CHD9: variants seen among roughly 807,000 people sequenced by gnomAD.
CHD9 encodes chromodomain helicase DNA binding protein 9, also known as ATP-dependent chromatin remodeler CHD9.
CHD9 carries 77 observed loss-of-function variants against 316.1 expected under a neutral mutation model. That is an observed-to-expected ratio of 0.24 (90% CI 0.20 to 0.29). The LOEUF (loss-of-function observed/expected upper bound fraction) is 0.29, where lower values mean the gene tolerates loss of function less well. CHD9 is among the 10% of genes least tolerant of loss of function. The pLI, the probability that CHD9 is intolerant of heterozygous loss-of-function variation, is 1.00. For synonymous variants in CHD9, 1,129 were observed against 1,158.3 expected (o/e 0.97, Z 0.51); for missense variants, 2,763 against 3,438.1 (o/e 0.80, Z 4.91).
At chr16:53,293,202 C>T in intron 29 of CHD9, 150 bp downstream of exon 29, 2 of 641,766 alleles carry the variant, frequency 3.1e-6, no homozygotes, top group Non-Finnish European at 5.4e-6. Context: ...CACATATACT[C>T]ACACATTTAT....
chr16:53,181,082 C>T (rs1283724778), intron 2 of CHD9, among the ~76,000 whole-genome samples: 1 of 151,182 alleles, frequency 6.6e-6, no homozygotes, highest in Non-Finnish European at 1.5e-5. Context: ...CCGATCTCAG[C>T]TTACCACAAC....
chr16:53,231,709 A>G lies in CHD9; in HGVS notation c.2436A>G (p.Leu812=), dbSNP rs761225280. 2 of 1,611,074 alleles carry G rather than the reference A, an allele frequency of 1.2e-6. No homozygotes were observed. Among genetic ancestry groups the G allele is most frequent in the Admixed American group, 1.7e-5 (1 of 59,824 alleles). The change falls in exon 10 of 39, where the codon CTA becomes CTG. Residue 812 remains leucine, a synonymous_variant. Transcript: ENST00000447540. ...SLPYEDSTWE[L]KEDVDLAKIE... ...CATATGAAGATAGTACTTGGGAACT[A>G]AAAGAAGATGTAGATCTTGCAAAAA...
intron 30 of CHD9, among the ~76,000 whole-genome samples, chr16:53,300,224 G>A (rs972045413): frequency 1.7e-4 from 26 of 152,136 alleles, no homozygotes; most frequent in Middle Eastern, 3.4e-3. Flanking sequence ...GTAGTGGCAC[G>A]CACCTGTAAT....
chr16:53,315,203 C>T lies in CHD9; in HGVS notation c.7584+159C>T, dbSNP rs1450546009. On this transcript the variant is annotated intron_variant, in intron 36 of 38. Transcript: ENST00000447540. ...AATAATTACCATCCTTCCCATGATA[C>T]AATACAATGTTATTTTCCATTTTTC... Among the ~76,000 whole-genome samples the T allele has an allele frequency of 3.3e-5, 5 of 152,154 alleles. No homozygotes were observed. The East Asian group carries it at 9.6e-4, about 29-fold the overall frequency.
intron 1 of CHD9, among the ~76,000 whole-genome samples, chr16:53,100,824 AG>A (rs1438154165): frequency 1.3e-5 from 2 of 152,204 alleles, no homozygotes; most frequent in Non-Finnish European, 2.9e-5. Context: ...AAGTCACTAT[AG>A]GCCTCTGTCT....
intron 1 of CHD9, among the ~76,000 whole-genome samples, chr16:53,085,427 A>G (rs1251436613): frequency 6.6e-6 from 1 of 152,114 alleles, no homozygotes; most frequent in Non-Finnish European, 1.5e-5. Flanking sequence ...GTTTCCTGAC[A>G]TCTGCCTTGG....
intron 1 of CHD9, among the ~76,000 whole-genome samples, chr16:53,100,972 G>A (rs2036824068): frequency 6.6e-6 from 1 of 152,092 alleles, no homozygotes; most frequent in African/African-American, 2.4e-5. Flanking sequence ...TTCTCTAGAT[G>A]GCTATGTCAC....
intron 1 of CHD9, among the ~76,000 whole-genome samples, chr16:53,105,315 C>CAT (rs1481170078): frequency 4.6e-5 from 7 of 151,838 alleles, no homozygotes; most frequent in Non-Finnish European, 1.0e-4. Context: ...AGAGATATTT[C>CAT]ATATATATGT....
intron 3 of CHD9, among the ~76,000 whole-genome samples, chr16:53,213,462 G>A (rs2046490049): frequency 6.6e-6 from 1 of 152,186 alleles, no homozygotes; most frequent in African/African-American, 2.4e-5. Flanking sequence ...AATTTTATGG[G>A]ATGGATGGAT....
chr16:53,241,203 C>G (rs2049053212), intron 12 of CHD9, among the ~76,000 whole-genome samples: 1 of 152,146 alleles, frequency 6.6e-6, no homozygotes, highest in South Asian at 2.1e-4. Context: ...ACTTAATACC[C>G]AATAGCTTAT....
At chr16:53,313,071 A>T (rs1464179284) in intron 34 of CHD9, among the ~76,000 whole-genome samples, 7 of 152,194 alleles carry the variant, frequency 4.6e-5, no homozygotes, top group African/African-American at 1.7e-4. Context: ...TATTAGAAAA[A>T]TTGATGAATG....
rs1191510203 is a variant in CHD9 at position 53,307,958 on chromosome 16, G to A, written c.7053+5G>A. 1 of 1,588,520 alleles carries A rather than the reference G, an allele frequency of 6.3e-7. No individual in the cohort carries two copies. The highest frequency in any genetic ancestry group is 8.6e-7 in the Non-Finnish European group (1 of 1,167,504). ...TTTACAGTGAAAATCAAAGACGTAT[G>A]TGTATTTTTATTGCCCTAGGGCCTG... On this transcript the variant is annotated splice_donor_5th_base_variant and intron_variant, in intron 33 of 38. Coordinates refer to ENST00000447540, the MANE Select transcript of CHD9 (RefSeq NM_001308319.2).
At chr16:53,272,080 GA>G (rs913527514) in intron 22 of CHD9, among the ~76,000 whole-genome samples, 3 of 152,010 alleles carry the variant, frequency 2.0e-5, no homozygotes, top group African/African-American at 7.2e-5. Context: ...TAGATGGGGG[GA>G]AAAATAAACA....
Position 53,297,034 on chromosome 16 carries a change from A to G in CHD9, c.5589A>G (p.Gln1863=). 1 of 1,613,894 alleles carries G rather than the reference A, an allele frequency of 6.2e-7. No homozygotes were observed. The highest frequency in any genetic ancestry group is 1.1e-5 in the South Asian group (1 of 91,086). Residue 1863 remains glutamine, a synonymous_variant, in exon 30 of 39, where the codon CAA becomes CAG. Coordinates refer to ENST00000447540, the MANE Select transcript of CHD9 (RefSeq NM_001308319.2). ...TGGTTTTTGACCCTGACAGAGGCCA[A>G]TTTGATTGGACAAAATTTAGAGCTA... ...FGVVFDPDRG[Q]FDWTKFRAMA...
chr16:53,233,723 C>T (rs2048379213), intron 10 of CHD9, among the ~76,000 whole-genome samples: 1 of 152,124 alleles, frequency 6.6e-6, no homozygotes, highest in South Asian at 2.1e-4. Flanking sequence ...TATTGGCACA[C>T]AAACAAGCAG....
chr16:53,134,968 C>A (rs2039608952), intron 1 of CHD9, among the ~76,000 whole-genome samples: 1 of 152,084 alleles, frequency 6.6e-6, no homozygotes, highest in South Asian at 2.1e-4. Flanking sequence ...ATGATCAGTT[C>A]AGTGAAATAA....
At chr16:53,196,969 G>A (rs370021686) in intron 2 of CHD9, among the ~76,000 whole-genome samples, 5 of 152,264 alleles carry the variant, frequency 3.3e-5, no homozygotes, top group African/African-American at 1.2e-4. Context: ...AAGGTAGGTA[G>A]GCAAGAAAGA....
At chr16:53,260,501 G>A (rs1329635541) in intron 19 of CHD9, among the ~76,000 whole-genome samples, 1 of 151,950 alleles carries the variant, frequency 6.6e-6, no homozygotes, top group Non-Finnish European at 1.5e-5. Context: ...TTGAATATGA[G>A]TTTTTATAAT....
chr16:53,074,954 C>T (rs1422084398), intron 1 of CHD9, among the ~76,000 whole-genome samples: 1 of 152,146 alleles, frequency 6.6e-6, no homozygotes, highest in Non-Finnish European at 1.5e-5. Flanking sequence ...CAACTTGCAT[C>T]GTGTGCCTGG....
Sources: allele counts gnomAD v4.1 joint callset (sites outside exome capture counted in the v4.1 genomes callset), GRCh38; gene constraint gnomAD v4.1.1; transcripts MANE v1.5; gene names NCBI Gene and HGNC (gene_info 2026-07-23, HGNC 2026-07-21).